Variants in VWA8 observed in about 807,000 individuals in gnomAD.
VWA8 encodes von Willebrand factor A domain containing 8, also known as von Willebrand factor A domain-containing protein 8.
Under a neutral mutation model 241.5 loss-of-function variants are expected in VWA8, and 221 were observed. The observed-to-expected ratio is 0.91, with a 90% CI of 0.82 to 1.02. VWA8 has a LOEUF of 1.02. Among genes scored for constraint, VWA8 ranks in the 50% least tolerant of loss-of-function variants. The pLI is 0.00. For missense variants in VWA8, 2,322 were observed against 2,328.7 expected (o/e 1.00, Z 0.06); for synonymous variants, 852 against 827.1 (o/e 1.03, Z -0.52).
intron 12 of VWA8, among the ~76,000 whole-genome samples, chr13:41,841,795 A>T (rs1872020962): frequency 2.7e-5 from 1 of 36,566 alleles, no homozygotes; most frequent in South Asian, 1.2e-3. Flanking sequence ...AAAAAAAAAA[A>T]AAAAAAAAAA....
At chr13:41,806,636 G>A (rs1046658002) in intron 17 of VWA8, among the ~76,000 whole-genome samples, 1 of 152,216 alleles carries the variant, frequency 6.6e-6, no homozygotes, top group African/African-American at 2.4e-5. Flanking sequence ...CTGGGAGGCA[G>A]AGGTTGCAGT....
chr13:41,571,310 C>CTCCCGT (rs1246060181), intron 43 of VWA8, among the ~76,000 whole-genome samples: 2,119 of 107,288 alleles, frequency 0.02, 43 homozygotes, highest in East Asian at 0.13. Context: ...CCCTCTCCCT[C>CTCCCGT]CTCCCTCTCC....
intron 17 of VWA8, 64 bp from the exon 18 acceptor site, chr13:41,787,607 T>TACATAC (rs1555335590): frequency 9.9e-6 from 6 of 604,056 alleles, no homozygotes; most frequent in Non-Finnish European, 1.8e-5. Flanking sequence ...GATTCTTAAA[T>TACATAC]ACACACACAC....
intron 1 of VWA8, among the ~76,000 whole-genome samples, chr13:41,951,608 T>C (rs1878143105): frequency 6.6e-6 from 1 of 152,184 alleles, no homozygotes. Context: ...GGCATGGTGA[T>C]ACCATTTGCA....
intron 21 of VWA8, among the ~76,000 whole-genome samples, chr13:41,750,031 AAG>A (rs1300949627): frequency 6.6e-6 from 1 of 152,166 alleles, no homozygotes; most frequent in Non-Finnish European, 1.5e-5. Flanking sequence ...ATTAAAAAAA[AAG>A]AAATATATTT....
chr13:41,727,181 T>C lies in VWA8; in HGVS notation c.2758+13A>G, dbSNP rs753965688. 1 of 1,532,582 alleles carries C rather than the reference T, an allele frequency of 6.5e-7. No individual in the cohort carries two copies. The highest frequency in any genetic ancestry group is 8.8e-7 in the Non-Finnish European group (1 of 1,137,110). The allele number at this position is 1,532,582 out of a possible 1,614,324, so 94.9% of individuals were successfully genotyped here. A position where few individuals can be genotyped will look rare whatever the true frequency, so the allele number is the denominator to read the frequency against. On this transcript the variant is annotated intron_variant, in intron 24 of 44. Coordinates refer to ENST00000379310, the MANE Select transcript of VWA8 (RefSeq NM_015058.2). ...ACTGCTATTGGTATTGTTATTATCATTACTGTTTTTACCTAAGGTACCGAA... is the reference window on the plus strand; with the variant it reads ...ACTGCTATTGGTATTGTTATTATCACTACTGTTTTTACCTAAGGTACCGAA...
At chr13:41,640,953 C>T (rs898504002) in intron 37 of VWA8, among the ~76,000 whole-genome samples, 1 of 151,596 alleles carries the variant, frequency 6.6e-6, no homozygotes, top group African/African-American at 2.4e-5. Flanking sequence ...AACACAAAAA[C>T]GAAGAGGATG....
At chr13:41,673,063 TA>T (rs1362435094) in intron 36 of VWA8, among the ~76,000 whole-genome samples, 1 of 152,200 alleles carries the variant, frequency 6.6e-6, no homozygotes, top group African/African-American at 2.4e-5. Flanking sequence ...ATTTGCACAC[TA>T]GGTCTAAAAT....
At chr13:41,602,635 A>G (rs996992105) in intron 40 of VWA8, among the ~76,000 whole-genome samples, 2 of 152,176 alleles carry the variant, frequency 1.3e-5, no homozygotes, top group Non-Finnish European at 2.9e-5. Flanking sequence ...CTTAGCAAGT[A>G]CAATGAAGGT....
intron 27 of VWA8, 98 bp from the exon 28 acceptor site, chr13:41,701,628 A>G: frequency 8.6e-7 from 1 of 1,169,202 alleles, no homozygotes; most frequent in Non-Finnish European, 1.1e-6. Context: ...ACATTCAAGT[A>G]TTTAATATCC....
rs1232180399 is a variant in VWA8, at chr13:41,701,511, A to ATATTTATAAGT, written c.3234_3244dup (p.Ile1082AsnfsTer3). ...ATGTCTTTCTATTGGATACTCCTGT[A>ATATTTATAAGT]TATTTATAAGTGCTGGACCCTATAA... On this transcript the variant is annotated stop_gained and frameshift_variant, in exon 28 of 45. Coordinates refer to ENST00000379310, the MANE Select transcript of VWA8 (RefSeq NM_015058.2). LOFTEE classifies it high-confidence loss of function. 3.1e-6 allele frequency: 5 copies of ATATTTATAAGT among 1,608,866 alleles called. No homozygotes were observed. Among genetic ancestry groups the ATATTTATAAGT allele is most frequent in the Non-Finnish European group, 3.4e-6 (4 of 1,178,004 alleles).
chr13:41,698,755 T>C (rs557820668), intron 29 of VWA8, among the ~76,000 whole-genome samples: 3 of 152,350 alleles, frequency 2.0e-5, no homozygotes, highest in East Asian at 3.9e-4. Flanking sequence ...TGTTCATTTG[T>C]TGGTTTACTT....
At chr13:41,717,846 G>T (rs376527099) in intron 26 of VWA8, among the ~76,000 whole-genome samples, 4 of 151,982 alleles carry the variant, frequency 2.6e-5, no homozygotes, top group Non-Finnish European at 4.4e-5. Flanking sequence ...AGCTATATGC[G>T]GTTGGGGGAC....
At chr13:41,712,491 A>G (rs535640301) in intron 26 of VWA8, among the ~76,000 whole-genome samples, 86 of 152,354 alleles carry the variant, frequency 5.6e-4, no homozygotes, top group African/African-American at 2.0e-3. Context: ...GAAAACTGTA[A>G]TTAAAAGAAT....
chr13:41,662,713 A>T (rs1235254832), intron 37 of VWA8, among the ~76,000 whole-genome samples: 1 of 150,446 alleles, frequency 6.6e-6, no homozygotes, highest in Non-Finnish European at 1.5e-5. Flanking sequence ...TTATACTTTA[A>T]GTTTTAGGGT....
intron 20 of VWA8, among the ~76,000 whole-genome samples, chr13:41,766,342 A>G (rs1204320202): frequency 6.6e-6 from 1 of 152,200 alleles, no homozygotes; most frequent in Non-Finnish European, 1.5e-5. Flanking sequence ...AAAGAAATAG[A>G]GTAGGAGAAA....
chr13:41,804,292 G>A (rs1363216642), intron 17 of VWA8, among the ~76,000 whole-genome samples: 1 of 152,154 alleles, frequency 6.6e-6, no homozygotes, highest in African/African-American at 2.4e-5. Flanking sequence ...ATATAATGGA[G>A]CTTCACTAGG....
At chr13:41,952,316 A>G (rs1167750336) in intron 1 of VWA8, among the ~76,000 whole-genome samples, 1 of 152,128 alleles carries the variant, frequency 6.6e-6, no homozygotes, top group East Asian at 1.9e-4. Flanking sequence ...ATATAGTACA[A>G]TCTTAGTTAC....
At chr13:41,780,319 C>CT (rs1868833546) in intron 19 of VWA8, among the ~76,000 whole-genome samples, 1 of 152,210 alleles carries the variant, frequency 6.6e-6, no homozygotes, top group African/African-American at 2.4e-5. Context: ...CTACAGCCCT[C>CT]TATTTCTGAG....
Sources: gnomAD v4.1 joint callset for allele counts (sites outside exome capture counted in the v4.1 genomes callset) on GRCh38, gnomAD v4.1.1 for gene constraint, MANE v1.5 for transcripts, NCBI Gene and HGNC (gene_info 2026-07-23, HGNC 2026-07-21) for gene names.